The following ELAVL2 variants were observed in gnomAD, a reference collection of about 807,000 sequenced individuals.
The protein encoded by ELAVL2 is ELAV like RNA binding protein 2.
A neutral mutation model predicts 34.6 loss-of-function variants in ELAVL2; 4 were observed. That is an observed-to-expected ratio of 0.12 (90% CI 0.06 to 0.26). The LOEUF (loss-of-function observed/expected upper bound fraction) is 0.26. Among genes scored for constraint, ELAVL2 ranks in the 10% least tolerant of loss-of-function variants. The probability of loss-of-function intolerance (pLI) is 1.00; values close to 1 mark genes in which losing one functional copy is unlikely to be tolerated. For synonymous variants in ELAVL2, 193 were observed against 154.8 expected, an observed-to-expected ratio of 1.25 and a Z score of -1.83; for missense variants, 432 against 442.8, an observed-to-expected ratio of 0.98 and a Z score of 0.22.
intron 2 of ELAVL2, among the ~76,000 whole-genome samples, chr9:23,752,915 C>A (rs867081906): frequency 3.9e-5 from 6 of 152,114 alleles, no homozygotes; most frequent in African/African-American, 1.4e-4. Context: ...TGAGTGGAGT[C>A]TGAAAAGATG....
chr9:23,817,707 C>T (rs1415690749), intron 1 of ELAVL2, among the ~76,000 whole-genome samples: 1 of 152,048 alleles, frequency 6.6e-6, no homozygotes, highest in Non-Finnish European at 1.5e-5. Flanking sequence ...ATTCTTCTAG[C>T]CTTACTAAAA....
chr9:23,817,808 G>T (rs994355680), intron 1 of ELAVL2, among the ~76,000 whole-genome samples: 18 of 152,200 alleles, frequency 1.2e-4, no homozygotes, highest in African/African-American at 4.3e-4. Flanking sequence ...AAAAATCTAA[G>T]ATTTTATTAC....
Position 23,802,843 on chromosome 9 carries a change from A to T in ELAVL2, c.-16+22963T>A, listed in dbSNP as rs189536324. Among the ~76,000 whole-genome samples the T allele has an allele frequency of 2.4e-3, 358 of 152,334 alleles. 2 individuals are homozygous for T. The highest frequency in any genetic ancestry group is 8.2e-3 in the African/African-American group (342 of 41,576). On this transcript the variant is annotated intron_variant, in intron 1 of 6. Transcript: ENST00000397312. ...TAAAACTATGCCAGCCTTACTTTTTAAAAATATACATATTCCTCACTTTAA... is the reference window on the plus strand; with the variant it reads ...TAAAACTATGCCAGCCTTACTTTTTTAAAATATACATATTCCTCACTTTAA...
intron 2 of ELAVL2, among the ~76,000 whole-genome samples, chr9:23,761,795 G>C (rs1218796681): frequency 6.6e-6 from 1 of 151,966 alleles, no homozygotes; most frequent in East Asian, 1.9e-4. Flanking sequence ...GTACATTAAA[G>C]TCCAGTTAAA....
chr9:23,722,491 T>G (rs1031714378), intron 3 of ELAVL2, among the ~76,000 whole-genome samples: 14 of 152,156 alleles, frequency 9.2e-5, no homozygotes, highest in Non-Finnish European at 1.0e-4. Flanking sequence ...AGTTCTTCAC[T>G]CCTAGGCAAA....
At chr9:23,830,361 G>A (rs1171000626), upstream of ELAVL2, 1 of 152,070 alleles carries the variant, frequency 6.6e-6, no homozygotes, top group Admixed American at 6.6e-5. Context: ...GGCAGTGAGC[G>A]GGATCTCAAA....
At chr9:23,766,605 T>C (rs530987906) in intron 1 of ELAVL2, among the ~76,000 whole-genome samples, 7 of 152,262 alleles carry the variant, frequency 4.6e-5, no homozygotes, top group Admixed American at 3.3e-4. Context: ...AATCACTTTA[T>C]TGCACCAACT....
intron 2 of ELAVL2, among the ~76,000 whole-genome samples, chr9:23,754,342 A>C (rs911274978): frequency 1.3e-5 from 2 of 152,164 alleles, no homozygotes; most frequent in African/African-American, 4.8e-5. Context: ...TTATCTAAAG[A>C]AGCAGCTCTT....
chr9:23,742,924 A>G (rs2049611593), intron 2 of ELAVL2, among the ~76,000 whole-genome samples: 1 of 152,190 alleles, frequency 6.6e-6, no homozygotes, highest in Non-Finnish European at 1.5e-5. Flanking sequence ...AAAAATTCCA[A>G]AACAGACTGA....
chr9:23,801,908 A>ATTGACAATGGTGGTT (rs1030530445), intron 1 of ELAVL2, among the ~76,000 whole-genome samples: 1 of 152,176 alleles, frequency 6.6e-6, no homozygotes, highest in African/African-American at 2.4e-5. Context: ...TGGAGCCCTG[A>ATTGACAATGGTGGTT]TTGACAATGG....
intron 1 of ELAVL2, among the ~76,000 whole-genome samples, chr9:23,822,547 TC>T (rs1351260024): frequency 1.3e-5 from 2 of 152,048 alleles, no homozygotes; most frequent in Admixed American, 6.5e-5. Context: ...CCAAGCTCAA[TC>T]CCTTTTCCCC....
chr9:23,732,328 C>A (rs1252459182), intron 2 of ELAVL2, among the ~76,000 whole-genome samples: 1 of 152,028 alleles, frequency 6.6e-6, no homozygotes, highest in African/African-American at 2.4e-5. Context: ...AATACAGTGC[C>A]CAATATGAAA....
At chr9:23,779,461 G>C in intron 1 of ELAVL2, 7 of 965,670 alleles carry the variant, frequency 7.2e-6, no homozygotes, top group Non-Finnish European at 6.2e-6. Context: ...CTAGAGAGTG[G>C]GTGGGCGGGC....
chr9:23,748,786 GAAAT>G (rs2051156455), intron 2 of ELAVL2, among the ~76,000 whole-genome samples: 1 of 152,064 alleles, frequency 6.6e-6, no homozygotes, highest in African/African-American at 2.4e-5. Flanking sequence ...GAGAGGAAGA[GAAAT>G]AAAACATACA....
chr9:23,774,235 A>AAGAAAG (rs1554731605), intron 1 of ELAVL2, among the ~76,000 whole-genome samples: 2 of 132,316 alleles, frequency 1.5e-5, no homozygotes, highest in African/African-American at 6.3e-5. Context: ...AAAAAAAAAA[A>AAGAAAG]AAAGAAAGAA....
intron 1 of ELAVL2, among the ~76,000 whole-genome samples, chr9:23,813,225 T>C (rs2063246347): frequency 6.6e-6 from 1 of 152,176 alleles, no homozygotes; most frequent in African/African-American, 2.4e-5. Context: ...ACATGACATG[T>C]GGAGCCTCTT....
intron 1 of ELAVL2, among the ~76,000 whole-genome samples, chr9:23,817,983 T>C (rs551629716): frequency 1.6e-3 from 244 of 152,304 alleles, no homozygotes; most frequent in African/African-American, 5.7e-3. Flanking sequence ...CTTAAATAAT[T>C]AACTAGCACT....
At chr9:23,816,684 G>A (rs911236886) in intron 1 of ELAVL2, among the ~76,000 whole-genome samples, 1 of 152,016 alleles carries the variant, frequency 6.6e-6, no homozygotes, top group Non-Finnish European at 1.5e-5. Context: ...ATCCTTTCCC[G>A]GGCTAGCAGT....
intron 2 of ELAVL2, among the ~76,000 whole-genome samples, chr9:23,746,403 C>G (rs10966063): frequency 0.011 from 1,602 of 152,196 alleles, 24 homozygotes; most frequent in African/African-American, 0.036. Context: ...ACTGACTCTA[C>G]CTAACTGGCA....
Sources: allele counts gnomAD v4.1 joint callset (sites outside exome capture counted in the v4.1 genomes callset), GRCh38; gene constraint gnomAD v4.1.1; transcripts MANE v1.5; gene names NCBI Gene and HGNC (gene_info 2026-07-23, HGNC 2026-07-21).